The following TRHDE variants were observed in gnomAD, a reference collection of about 807,000 sequenced individuals.
TRHDE encodes thyrotropin-releasing hormone-degrading ectoenzyme.
Under a neutral mutation model 125.7 loss-of-function variants are expected in TRHDE, and 72 were observed. That is an observed-to-expected ratio of 0.57 (90% CI 0.47 to 0.70). TRHDE has a LOEUF of 0.70. Ranked by LOEUF, TRHDE falls within the 30% of genes least tolerant of loss-of-function variation. The pLI is 0.00. For missense variants in TRHDE, 1,110 were observed against 1,327.1 expected, an observed-to-expected ratio of 0.84 and a Z score of 2.54; for synonymous variants, 509 against 509.1, an observed-to-expected ratio of 1.00 and a Z score of 0.00.
At chr12:72,547,494 G>A (rs1379798311) in intron 7 of TRHDE, among the ~76,000 whole-genome samples, 2 of 151,624 alleles carry the variant, frequency 1.3e-5, no homozygotes, top group Non-Finnish European at 3.0e-5. Context: ...TAAGGATCTG[G>A]AAAAAAGACG....
At chr12:72,343,193 A>G (rs868587742) in intron 2 of TRHDE, among the ~76,000 whole-genome samples, 1 of 152,144 alleles carries the variant, frequency 6.6e-6, no homozygotes, top group African/African-American at 2.4e-5. Flanking sequence ...TCACTTCTCA[A>G]TATGAGTACA....
At chr12:72,480,025 G>T (rs547572341) in intron 5 of TRHDE, among the ~76,000 whole-genome samples, 2 of 150,120 alleles carry the variant, frequency 1.3e-5, no homozygotes, top group East Asian at 3.9e-4. Context: ...GTATTCCATG[G>T]TGTATATGTG....
intron 12 of TRHDE, among the ~76,000 whole-genome samples, chr12:72,583,690 T>A (rs1435823613): frequency 5.9e-5 from 9 of 152,178 alleles, no homozygotes; most frequent in Admixed American, 6.5e-5. Flanking sequence ...GCCTAGAGTA[T>A]ATTTCTGGAT....
intron 4 of TRHDE, among the ~76,000 whole-genome samples, chr12:72,471,787 A>G (rs1364139719): frequency 6.6e-6 from 1 of 152,236 alleles, no homozygotes; most frequent in African/African-American, 2.4e-5. Flanking sequence ...AAGAACAGAT[A>G]CTTTACTGTT....
Position 72,206,920 on chromosome 12 carries a change from T to C in TRHDE, n.279+101168T>C, listed in dbSNP as rs566373748. Among the ~76,000 whole-genome samples the C allele has an allele frequency of 4.6e-5, 7 of 152,152 alleles. No individual in the cohort carries two copies. In the East Asian group the frequency reaches 1.3e-3, roughly 29 times the overall value. On this transcript the variant is annotated intron_variant and non_coding_transcript_variant, in intron 2 of 4. Transcript: ENST00000548156. ...AATTGAACTTGACACTAATGACAAC[T>C]CAAAGTAAAGAAACTTGTTGAAAGC...
chr12:72,486,621 C>T (rs1354525299), intron 5 of TRHDE, among the ~76,000 whole-genome samples: 1 of 152,112 alleles, frequency 6.6e-6, no homozygotes, highest in Admixed American at 6.5e-5. Context: ...GCAACTTCAC[C>T]CTGCCCAACT....
At chr12:72,136,835 A>G (rs995099958) in intron 2 of TRHDE, among the ~76,000 whole-genome samples, 1 of 152,094 alleles carries the variant, frequency 6.6e-6, no homozygotes, top group Admixed American at 6.5e-5. Context: ...CAAAACTCGC[A>G]CCTACTGCAG....
At chr12:72,363,447 G>A (rs1384303841) in intron 2 of TRHDE, among the ~76,000 whole-genome samples, 1 of 151,878 alleles carries the variant, frequency 6.6e-6, no homozygotes, top group East Asian at 1.9e-4. Context: ...TCATCCCTGG[G>A]ATGCAAGGCT....
At chr12:72,474,252 T>C (rs1876785947) in intron 5 of TRHDE, among the ~76,000 whole-genome samples, 1 of 152,126 alleles carries the variant, frequency 6.6e-6, no homozygotes, top group Non-Finnish European at 1.5e-5. Flanking sequence ...TTTCTACCTA[T>C]CTTCTTTACT....
intron 10 of TRHDE, among the ~76,000 whole-genome samples, chr12:72,570,535 C>T (rs981265024): frequency 3.6e-5 from 5 of 137,256 alleles, no homozygotes; most frequent in African/African-American, 5.5e-5. Flanking sequence ...GAGCCGAGAT[C>T]GCGCTATGGC....
intron 2 of TRHDE, among the ~76,000 whole-genome samples, chr12:72,192,676 G>GT (rs1043344450): frequency 5.9e-5 from 9 of 151,686 alleles, no homozygotes; most frequent in East Asian, 1.9e-4. Context: ...ATGAACTTAA[G>GT]TTTTTTTTTA....
intron 2 of TRHDE, among the ~76,000 whole-genome samples, chr12:72,168,440 T>TC (rs927975081): frequency 4.6e-5 from 7 of 152,194 alleles, no homozygotes; most frequent in African/African-American, 1.4e-4. Flanking sequence ...GTTGTATGGT[T>TC]CTGGGGTCAT....
intron 3 of TRHDE, among the ~76,000 whole-genome samples, chr12:72,452,574 T>C (rs1188988223): frequency 6.6e-6 from 1 of 152,000 alleles, no homozygotes; most frequent in Non-Finnish European, 1.5e-5. Flanking sequence ...TAGCTATGGG[T>C]TTTTCATATA....
intron 2 of TRHDE, among the ~76,000 whole-genome samples, chr12:72,342,819 T>C (rs1335203121): frequency 6.6e-6 from 1 of 152,126 alleles, no homozygotes; most frequent in Non-Finnish European, 1.5e-5. Context: ...CCTTTCATCT[T>C]TTTGGAACTC....
intron 1 of TRHDE, among the ~76,000 whole-genome samples, chr12:72,099,516 A>G (rs1281426315): frequency 6.6e-6 from 1 of 152,186 alleles, no homozygotes; most frequent in Non-Finnish European, 1.5e-5. Context: ...TCCCTTAAAT[A>G]CATAACCTGT....
intron 3 of TRHDE, among the ~76,000 whole-genome samples, chr12:72,449,374 G>A (rs1448349973): frequency 5.3e-5 from 8 of 151,952 alleles, no homozygotes; most frequent in African/African-American, 1.9e-4. Context: ...ACCTGTAAAT[G>A]TTGTTTATTT....
chr12:72,540,086 G>A (rs942480803), intron 6 of TRHDE, among the ~76,000 whole-genome samples: 8 of 151,610 alleles, frequency 5.3e-5, no homozygotes, highest in African/African-American at 1.7e-4. Flanking sequence ...TACATAGTAT[G>A]TGCTTAGTAT....
chr12:72,187,938 A>G (rs1877260808), intron 2 of TRHDE, among the ~76,000 whole-genome samples: 1 of 152,250 alleles, frequency 6.6e-6, no homozygotes, highest in Non-Finnish European at 1.5e-5. Flanking sequence ...TTAGGGGTCT[A>G]TTATACACAT....
intron 2 of TRHDE, among the ~76,000 whole-genome samples, chr12:72,292,576 C>T (rs935624899): frequency 6.6e-6 from 1 of 152,066 alleles, no homozygotes; most frequent in African/African-American, 2.4e-5. Flanking sequence ...CATAGCATTA[C>T]AAGTAATGAG....
Sources: gnomAD v4.1 joint callset for allele counts (sites outside exome capture counted in the v4.1 genomes callset) on GRCh38, gnomAD v4.1.1 for gene constraint, MANE v1.5 for transcripts, NCBI Gene and HGNC (gene_info 2026-07-23, HGNC 2026-07-21) for gene names.